The following RASGRF2 variants were observed in gnomAD, a reference collection of about 807,000 sequenced individuals.
The protein encoded by RASGRF2 is Ras protein specific guanine nucleotide releasing factor 2.
RASGRF2 carries 76 observed loss-of-function variants against 151.0 expected under a neutral mutation model. The observed-to-expected ratio is 0.50, with a 90% CI of 0.42 to 0.61. The LOEUF is 0.61. RASGRF2 is among the 20% of genes least tolerant of loss of function. The probability of loss-of-function intolerance (pLI) is 0.00; values close to 1 mark genes in which losing one functional copy is unlikely to be tolerated. For synonymous variants in RASGRF2, 504 were observed against 566.5 expected, an observed-to-expected ratio of 0.89 and a Z score of 1.57; for missense variants, 1,148 against 1,564.6, an observed-to-expected ratio of 0.73 and a Z score of 4.49.
chr5:81,135,465 T>A (rs1043373448), intron 17 of RASGRF2, among the ~76,000 whole-genome samples: 2 of 152,210 alleles, frequency 1.3e-5, no homozygotes, highest in Non-Finnish European at 2.9e-5. Flanking sequence ...CAACTGCTAA[T>A]CTCTTTTCTG....
chr5:81,189,420 CTAA>C (rs1300018362), intron 18 of RASGRF2, among the ~76,000 whole-genome samples: 1 of 151,964 alleles, frequency 6.6e-6, no homozygotes, highest in African/African-American at 2.4e-5. Flanking sequence ...TTTTAAATGA[CTAA>C]TGAGTTGTCT....
At chr5:81,017,863 C>T (rs189912558) in intron 1 of RASGRF2, among the ~76,000 whole-genome samples, 50 of 151,276 alleles carry the variant, frequency 3.3e-4, no homozygotes, top group African/African-American at 1.2e-3. Context: ...TTTGGGAGGC[C>T]GAGGCAGGTG....
At chr5:81,042,768 G>A in intron 1 of RASGRF2, 109 bp from the exon 2 acceptor site, 1 of 736,102 alleles carries the variant, frequency 1.4e-6, no homozygotes, top group Non-Finnish European at 2.2e-6. Flanking sequence ...ATTTGCATAA[G>A]CACTGATGCA....
intron 17 of RASGRF2, among the ~76,000 whole-genome samples, chr5:81,142,507 C>T (rs1439356327): frequency 6.6e-6 from 1 of 152,170 alleles, no homozygotes; most frequent in African/African-American, 2.4e-5. Flanking sequence ...AAAATGTTGG[C>T]TGCATGCAAT....
intron 3 of RASGRF2, among the ~76,000 whole-genome samples, chr5:81,068,895 T>C (rs1422549796): frequency 6.6e-6 from 1 of 152,170 alleles, no homozygotes; most frequent in African/African-American, 2.4e-5. Flanking sequence ...GTCCTATCCT[T>C]CCTCATGGGC....
chr5:81,187,598 C>T (rs1015490172), intron 18 of RASGRF2, among the ~76,000 whole-genome samples: 1 of 152,214 alleles, frequency 6.6e-6, no homozygotes, highest in Non-Finnish European at 1.5e-5. Flanking sequence ...GACCATGGCT[C>T]TTTCCCAGTA....
chr5:81,071,316 C>T (rs1751767233), intron 4 of RASGRF2, among the ~76,000 whole-genome samples: 1 of 152,090 alleles, frequency 6.6e-6, no homozygotes, highest in South Asian at 2.1e-4. Context: ...AATAATCTTT[C>T]CCCTTTCACT....
At chr5:81,105,687 A>G (rs1752826741) in intron 12 of RASGRF2, among the ~76,000 whole-genome samples, 1 of 152,134 alleles carries the variant, frequency 6.6e-6, no homozygotes, top group African/African-American at 2.4e-5. Context: ...TGATTCAGAA[A>G]CACTGAGAGT....
At chr5:81,158,218 A>C (rs1242904564) in intron 17 of RASGRF2, among the ~76,000 whole-genome samples, 1 of 152,248 alleles carries the variant, frequency 6.6e-6, no homozygotes, top group Non-Finnish European at 1.5e-5. Context: ...CTAGGAATAA[A>C]TTCTTACATT....
At chr5:80,976,935 A>G (rs1415103784) in intron 1 of RASGRF2, among the ~76,000 whole-genome samples, 1 of 152,218 alleles carries the variant, frequency 6.6e-6, no homozygotes, top group South Asian at 2.1e-4. Context: ...AACCTGTGCC[A>G]TTCACTGTGT....
chr5:81,218,149 G>T (rs1019691249), intron 25 of RASGRF2, among the ~76,000 whole-genome samples: 2 of 152,172 alleles, frequency 1.3e-5, no homozygotes, highest in African/African-American at 4.8e-5. Flanking sequence ...CTCCCAAAGT[G>T]CTGGGATTAC....
chr5:81,215,550 T>A (rs11951996), intron 23 of RASGRF2, among the ~76,000 whole-genome samples: 2,373 of 152,264 alleles, frequency 0.016, 52 homozygotes, highest in African/African-American at 0.053. Context: ...GGATTCCAGG[T>A]GTGACCCACT....
intron 1 of RASGRF2, among the ~76,000 whole-genome samples, chr5:81,034,961 AAGTC>A (rs1308362584): frequency 1.3e-5 from 2 of 152,060 alleles, no homozygotes; most frequent in African/African-American, 4.8e-5. Flanking sequence ...AATAAAAAAA[AAGTC>A]AGGAAACAAC....
At chr5:81,062,213 T>G (rs1751465550) in intron 2 of RASGRF2, among the ~76,000 whole-genome samples, 1 of 152,156 alleles carries the variant, frequency 6.6e-6, no homozygotes, top group Admixed American at 6.5e-5. Flanking sequence ...TGTGTATTTC[T>G]TGACTTACTA....
intron 1 of RASGRF2, among the ~76,000 whole-genome samples, chr5:80,980,795 T>C (rs886956781): frequency 4.6e-5 from 7 of 152,166 alleles, no homozygotes; most frequent in Admixed American, 2.0e-4. Context: ...TGAAAATTAT[T>C]TGGGGGTCTT....
intron 2 of RASGRF2, among the ~76,000 whole-genome samples, chr5:81,051,545 C>A (rs79076908): frequency 1.1e-3 from 162 of 152,266 alleles, no homozygotes; most frequent in African/African-American, 3.7e-3. Context: ...TATGGATTTG[C>A]TCATTCTGGA....
rs369784689 is a variant in RASGRF2, at chr5:81,225,784, C to T, written c.*14C>T. The T allele has an allele frequency of 1.5e-4, 248 of 1,609,538 alleles. No homozygotes were observed. The highest frequency in any genetic ancestry group is 2.9e-4 in the Admixed American group (17 of 58,530). ...CTCCCTGCTTGAAGATCTGGCCTTG[C>T]CCCTGAGTCCACGGGATGTTCATGG... On this transcript the variant is annotated 3_prime_UTR_variant, in exon 27 of 27. Transcript: ENST00000265080.
At position 81,033,449 on chromosome 5, in the gene RASGRF2, G is replaced by T. The variant is rs200738313; in HGVS notation, c.289-9428G>T. ...AGCATGGTACTGGTACCAAAACAGA[G>T]ATATAGACCAATGGAACAGAACGGA... On this transcript the variant is annotated intron_variant, in intron 1 of 26. Coordinates refer to ENST00000265080, the MANE Select transcript of RASGRF2 (RefSeq NM_006909.3). 5.1e-4 allele frequency among the ~76,000 whole-genome samples: 72 copies of T among 139,968 alleles called. No homozygotes were observed. In the East Asian group the frequency reaches 0.014, roughly 27 times the overall value. The allele number at this position is 139,968 out of a possible 152,430, so 91.8% of individuals were successfully genotyped here. A position where few individuals can be genotyped will look rare whatever the true frequency, so the allele number is the denominator to read the frequency against.
chr5:81,071,699 G>GT (rs150080756), intron 4 of RASGRF2, among the ~76,000 whole-genome samples: 24,082 of 151,644 alleles, frequency 0.16, 2,337 homozygotes, highest in East Asian at 0.43. Flanking sequence ...AGATTAATTA[G>GT]TTTTTTTAAA....
Sources: allele counts gnomAD v4.1 joint callset (sites outside exome capture counted in the v4.1 genomes callset), GRCh38; gene constraint gnomAD v4.1.1; transcripts MANE v1.5; gene names NCBI Gene and HGNC (gene_info 2026-07-23, HGNC 2026-07-21).